Variants in DAB1 observed in about 807,000 individuals in gnomAD.
DAB1 encodes DAB adaptor protein 1, also known as disabled homolog 1.
A neutral mutation model predicts 64.6 loss-of-function variants in DAB1; 15 were observed. The ratio of observed to expected loss-of-function variants is 0.23; its 90% CI spans 0.16 to 0.36. DAB1 has a LOEUF of 0.36. DAB1 is among the 10% of genes least tolerant of loss of function. DAB1 has a pLI of 1.00. For synonymous variants in DAB1, 235 were observed against 251.9 expected, an observed-to-expected ratio of 0.93 and a Z score of 0.64; for missense variants, 596 against 706.7, an observed-to-expected ratio of 0.84 and a Z score of 1.78.
At chr1:57,908,568 G>A (rs1484370064) in intron 5 of DAB1, among the ~76,000 whole-genome samples, 1 of 152,124 alleles carries the variant, frequency 6.6e-6, no homozygotes, top group African/African-American at 2.4e-5. Context: ...GACTGACACA[G>A]GCACAATCCT....
chr1:57,860,980 TG>T (rs1055143659), intron 1 of DAB1: 6 of 152,248 alleles, frequency 3.9e-5, no homozygotes, highest in African/African-American at 1.4e-4. Context: ...GGCCACTTCA[TG>T]GGGTGACCTG....
intron 7 of DAB1, among the ~76,000 whole-genome samples, chr1:57,540,307 C>A (rs1479071784): frequency 6.6e-6 from 1 of 152,000 alleles, no homozygotes; most frequent in African/African-American, 2.4e-5. Flanking sequence ...CAAATGCCGG[C>A]AAGGATGTGG....
At chr1:58,495,944 A>C (rs1645793788) in intron 3 of DAB1, among the ~76,000 whole-genome samples, 1 of 152,158 alleles carries the variant, frequency 6.6e-6, no homozygotes, top group Non-Finnish European at 1.5e-5. Flanking sequence ...TGAAGATTAA[A>C]CACTTCATAA....
At position 58,460,416 on chromosome 1, in the gene DAB1, G is replaced by A. The variant is rs193013925; in HGVS notation, n.257+45644C>T. ...ATTGGGGTGTTGTGTTTGGAGAGGT[G>A]GGGACCAGAAACACTTCTACGGAGA... is the stretch of plus-strand genomic sequence containing the variant. On this transcript the variant is annotated intron_variant and non_coding_transcript_variant, in intron 3 of 20. Transcript: ENST00000485760. Among the ~76,000 whole-genome samples the A allele has an allele frequency of 1.1e-4, 16 of 152,220 alleles. No homozygotes were observed. In the East Asian group the frequency reaches 2.1e-3, roughly 20 times the overall value.
At chr1:58,026,447 A>C (rs930543337) in intron 5 of DAB1, among the ~76,000 whole-genome samples, 6 of 152,182 alleles carry the variant, frequency 3.9e-5, no homozygotes, top group Non-Finnish European at 7.4e-5. Context: ...TATCAATCTC[A>C]TAAGGCTGTT....
intron 4 of DAB1, among the ~76,000 whole-genome samples, chr1:57,073,994 A>G (rs530203853): frequency 3.9e-5 from 6 of 152,212 alleles, no homozygotes; most frequent in Admixed American, 3.9e-4. Context: ...CTCTCACTTC[A>G]GCCTCCTGGG....
At chr1:57,882,906 A>G (rs1260350299) in intron 1 of DAB1, among the ~76,000 whole-genome samples, 1 of 152,230 alleles carries the variant, frequency 6.6e-6, no homozygotes, top group East Asian at 1.9e-4. Context: ...AGGTACACCG[A>G]ACCCAGTTTT....
chr1:57,147,297 G>GT (rs1659239511), intron 2 of DAB1, among the ~76,000 whole-genome samples: 1 of 151,874 alleles, frequency 6.6e-6, no homozygotes, highest in African/African-American at 2.4e-5. Context: ...GATTATAGGC[G>GT]TGAGTATCAC....
intron 5 of DAB1, among the ~76,000 whole-genome samples, chr1:58,111,982 C>A (rs1422952778): frequency 6.6e-6 from 1 of 152,176 alleles, no homozygotes; most frequent in Admixed American, 6.5e-5. Flanking sequence ...CTTACACAAA[C>A]CTCGACCTAC....
At chr1:58,061,088 T>A (rs1471234882) in intron 5 of DAB1, among the ~76,000 whole-genome samples, 1 of 152,162 alleles carries the variant, frequency 6.6e-6, no homozygotes, top group Non-Finnish European at 1.5e-5. Flanking sequence ...AGGTCTGACG[T>A]GGGCTCAGGA....
rs779691781 is a variant in DAB1, at chr1:58,534,110, A to G, written n.33-6775T>C. The G allele has an allele frequency of 3.5e-6, 3 of 867,228 alleles. No individual in the cohort carries two copies. The African/African-American group carries it at 4.9e-5, about 14-fold the overall frequency. 53.7% of individuals were successfully genotyped at this position (867,228 alleles called of 1,614,324 possible). A position where few individuals can be genotyped will look rare whatever the true frequency, so the allele number is the denominator to read the frequency against. On this transcript the variant is annotated intron_variant and non_coding_transcript_variant, in intron 1 of 20. Coordinates refer to the DAB1 transcript ENST00000485760. ...AGCAATTAGAACATCATAAAAAATA[A>G]GGACAATAAATTTAACAATTACAAT... is the stretch of plus-strand genomic sequence containing the variant.
intron 5 of DAB1, among the ~76,000 whole-genome samples, chr1:58,006,540 T>G (rs1405530931): frequency 6.6e-6 from 1 of 152,182 alleles, no homozygotes; most frequent in East Asian, 1.9e-4. Flanking sequence ...AGGCAAGGCA[T>G]GAGGTCCTGT....
intron 4 of DAB1, among the ~76,000 whole-genome samples, chr1:57,075,192 G>A (rs1243071190): frequency 2.6e-5 from 4 of 152,164 alleles, no homozygotes; most frequent in Non-Finnish European, 5.9e-5. Context: ...AGTCTTCCTG[G>A]TGGAATTAGA....
At chr1:57,853,260 A>AT (rs397864136) in intron 1 of DAB1, among the ~76,000 whole-genome samples, 1 of 151,494 alleles carries the variant, frequency 6.6e-6, no homozygotes, top group Non-Finnish European at 1.5e-5. Flanking sequence ...AAAAAAAAAA[A>AT]GCCATTTGGG....
At chr1:57,580,796 A>G (rs1367357234) in intron 7 of DAB1, among the ~76,000 whole-genome samples, 1 of 152,176 alleles carries the variant, frequency 6.6e-6, no homozygotes, top group Non-Finnish European at 1.5e-5. Flanking sequence ...TAATAATCTT[A>G]TAATTTGGGT....
intron 3 of DAB1, among the ~76,000 whole-genome samples, chr1:58,371,257 A>T (rs2100535055): frequency 6.6e-6 from 1 of 152,322 alleles, no homozygotes; most frequent in South Asian, 2.1e-4. Context: ...ATGCTTTAGA[A>T]AAGAGACTGG....
intron 9 of DAB1, 150 bp downstream of exon 9, chr1:57,062,734 A>G (rs949588572): frequency 3.0e-6 from 2 of 670,448 alleles, no homozygotes; most frequent in Non-Finnish European, 2.6e-6. Context: ...CCTCTGGCCC[A>G]CTGAAGATGC....
chr1:57,292,662 A>C (rs918219145), intron 1 of DAB1, among the ~76,000 whole-genome samples: 2 of 152,200 alleles, frequency 1.3e-5, no homozygotes, highest in Non-Finnish European at 2.9e-5. Flanking sequence ...CATTGCAGCA[A>C]ATATTTAGTA....
chr1:57,191,811 T>C (rs1664145941), intron 2 of DAB1, among the ~76,000 whole-genome samples: 1 of 152,148 alleles, frequency 6.6e-6, no homozygotes, highest in Admixed American at 6.5e-5. Context: ...AGTGACTCAC[T>C]CTTCCTGGGT....
Sources: gnomAD v4.1 joint callset for allele counts (sites outside exome capture counted in the v4.1 genomes callset) on GRCh38, gnomAD v4.1.1 for gene constraint, MANE v1.5 for transcripts, NCBI Gene and HGNC (gene_info 2026-07-23, HGNC 2026-07-21) for gene names.